Variants in NAA20 observed in about 807,000 individuals in gnomAD.
NAA20 encodes the protein N-alpha-acetyltransferase 20.
Under a neutral mutation model 23.8 loss-of-function variants are expected in NAA20, and 24 were observed. The ratio of observed to expected loss-of-function variants is 1.01; its 90% CI spans 0.73 to 1.42. The LOEUF (loss-of-function observed/expected upper bound fraction) is 1.42, where lower values mean the gene tolerates loss of function less well. NAA20 is among the 40% of genes most tolerant of loss of function. NAA20 has a pLI of 0.00. For missense variants in NAA20, 166 were observed against 223.1 expected (o/e 0.74, Z 1.63); for synonymous variants, 83 against 77.7 (o/e 1.07, Z -0.36).
intron 4 of NAA20, among the ~76,000 whole-genome samples, chr20:20,030,278 T>C (rs544249390): frequency 2.0e-5 from 3 of 152,170 alleles, no homozygotes; most frequent in Non-Finnish European, 1.5e-5. Context: ...GGATGACACA[T>C]CAGGAACAAG....
At chr20:20,021,895 G>T (rs2043270817) in intron 1 of NAA20, among the ~76,000 whole-genome samples, 1 of 152,194 alleles carries the variant, frequency 6.6e-6, no homozygotes, top group Non-Finnish European at 1.5e-5. Flanking sequence ...CAGCATCGGA[G>T]CCAGGTTGGG....
At chr20:20,025,817 T>C (rs750735554) in intron 3 of NAA20, 50 bp downstream of exon 3, 31 of 1,217,540 alleles carry the variant, frequency 2.5e-5, no homozygotes, top group Non-Finnish European at 3.7e-5. Flanking sequence ...GATTTTAATA[T>C]AGATTTCAAC....
chr20:20,026,472 C>G (rs2043307039), intron 3 of NAA20, among the ~76,000 whole-genome samples: 1 of 151,768 alleles, frequency 6.6e-6, no homozygotes, highest in South Asian at 2.1e-4. Context: ...ATACCCACAC[C>G]CATATGAAAT....
upstream of NAA20, chr20:20,017,330 C>A: frequency 6.3e-7 from 1 of 1,599,034 alleles, no homozygotes; most frequent in Non-Finnish European, 8.5e-7. Flanking sequence ...CGGCCACGCT[C>A]CGGGAGACTT....
intron 4 of NAA20, among the ~76,000 whole-genome samples, chr20:20,028,924 T>C (rs879731264): frequency 6.6e-6 from 1 of 152,126 alleles, no homozygotes; most frequent in Non-Finnish European, 1.5e-5. Flanking sequence ...GACTTAGGAC[T>C]TTATTTATTT....
intron 1 of NAA20, among the ~76,000 whole-genome samples, chr20:20,021,498 A>G (rs2043268236): frequency 6.6e-6 from 1 of 152,170 alleles, no homozygotes; most frequent in Non-Finnish European, 1.5e-5. Flanking sequence ...TCGGAAGTAT[A>G]GTGATTTTTT....
Position 20,032,575 on chromosome 20 carries a change from C to T in NAA20, c.373C>T (p.Gln125Ter). The T allele has an allele frequency of 1.2e-6, 2 of 1,613,584 alleles. No homozygotes were observed. The highest frequency in any genetic ancestry group is 2.2e-5 in the South Asian group (2 of 91,030). The change falls in exon 5 of 6, where the codon CAG (glutamine) becomes TAG (stop). Residue 125 changes from glutamine (Q) to a stop codon, truncating the protein, a stop_gained. Transcript: ENST00000334982. LOFTEE classifies it high-confidence loss of function. Reference sequence around the variant, plus strand: ...CCAAGTTGCAGTTAACATGTACAAGCAGTTGGGCTACAGTGTATATAGGAC... The same window carrying T: ...CCAAGTTGCAGTTAACATGTACAAGTAGTTGGGCTACAGTGTATATAGGAC... ...SNQVAVNMYK[Q>*]LGYSVYRTVI...
In NAA20 at chr20:20,032,584, T is replaced by A; in HGVS notation, c.382T>A (p.Tyr128Asn). 6.2e-7 allele frequency: 1 copy of A among 1,613,848 alleles called. No homozygotes were observed. The highest frequency in any genetic ancestry group is 8.5e-7 in the Non-Finnish European group (1 of 1,179,842). The change falls in exon 5 of 6, where the codon TAC (tyrosine) becomes AAC (asparagine). Residue 128 changes from tyrosine to asparagine, a missense_variant. By Grantham distance (143) the Tyr-to-Asn change is moderately radical (BLOSUM62 -2). Transcript: ENST00000334982. ...VAVNMYKQLG[Y>N]SVYRTVIEYY... ...AGTTAACATGTACAAGCAGTTGGGC[T>A]ACAGTGTATATAGGACGGTCATAGA...
At chr20:20,027,135 AG>A (rs1181665198) in intron 4 of NAA20, among the ~76,000 whole-genome samples, 1 of 152,222 alleles carries the variant, frequency 6.6e-6, no homozygotes, top group African/African-American at 2.4e-5. Flanking sequence ...GACCCGCTAT[AG>A]GCCTATAAGC....
chr20:20,021,746 G>A (rs985861838), intron 1 of NAA20, among the ~76,000 whole-genome samples: 11 of 152,266 alleles, frequency 7.2e-5, no homozygotes, highest in Non-Finnish European at 1.0e-4. Flanking sequence ...AATCAGAAGA[G>A]AACAGTTGAA....
At chr20:20,025,644 C>T (rs776689805) in intron 2 of NAA20, 33 bp from the exon 3 acceptor site, 6 of 1,497,278 alleles carry the variant, frequency 4.0e-6, no homozygotes, top group South Asian at 3.4e-5. Flanking sequence ...TTTTACTGTC[C>T]ATTACTTTTC....
chr20:20,021,872 G>T (rs2043270737), intron 1 of NAA20, among the ~76,000 whole-genome samples: 1 of 152,200 alleles, frequency 6.6e-6, no homozygotes, highest in Non-Finnish European at 1.5e-5. Flanking sequence ...GGGATGTGCT[G>T]GTGAGCTGCC....
intron 4 of NAA20, among the ~76,000 whole-genome samples, chr20:20,029,239 G>C (rs1469431854): frequency 6.6e-6 from 1 of 152,082 alleles, no homozygotes; most frequent in Non-Finnish European, 1.5e-5. Flanking sequence ...AAGAAAGTTA[G>C]AATACTTATT....
rs117029352 is a variant in NAA20, at chr20:20,032,148, G to A, written c.306-360G>A. 1.5e-3 allele frequency among the ~76,000 whole-genome samples: 229 copies of A among 151,986 alleles called. 7 individuals are homozygous for A. In the East Asian group the frequency reaches 0.037, roughly 24 times the overall value. On this transcript the variant is annotated intron_variant, in intron 4 of 5. Transcript: ENST00000334982. ...GACTCTTACAATGTTAGTCGACTGA[G>A]AGAAGCAAAAGACAAAAGAATATAT...
upstream of NAA20, chr20:20,017,297 C>A: frequency 6.6e-7 from 1 of 1,504,682 alleles, no homozygotes; most frequent in Non-Finnish European, 9.1e-7. Context: ...GGAAGCAGTA[C>A]CCCGTCTCGC....
intron 1 of NAA20, among the ~76,000 whole-genome samples, chr20:20,019,581 T>TC (rs1010682926): frequency 1.3e-5 from 2 of 152,174 alleles, no homozygotes; most frequent in Non-Finnish European, 2.9e-5. Flanking sequence ...CTCCACTTAT[T>TC]CCCCATTTTC....
At position 20,022,563 on chromosome 20, in the gene NAA20, G is replaced by A. The variant is rs915479305; in HGVS notation, c.78+83G>A. On this transcript the variant is annotated intron_variant, in intron 2 of 5. Coordinates refer to ENST00000334982, the MANE Select transcript of NAA20 (RefSeq NM_016100.5). ...ACAGAAATGAAAGGAAAACAGAGGA[G>A]TACTGAAAAGTTTAAAAACTTGTAG... The A allele has an allele frequency of 8.8e-6, 11 of 1,247,306 alleles. 1 individual carries two copies. In the African/African-American group the frequency reaches 1.5e-4, roughly 18 times the overall value. The allele number at this position is 1,247,306 out of a possible 1,614,324, so 77.3% of individuals were successfully genotyped here.
chr20:20,032,011 G>C (rs1374150097), intron 4 of NAA20, among the ~76,000 whole-genome samples: 1 of 152,026 alleles, frequency 6.6e-6, no homozygotes, highest in Non-Finnish European at 1.5e-5. Flanking sequence ...TAGACCTTAC[G>C]TGAGACACTC....
At chr20:20,030,421 C>T (rs6035525) in intron 4 of NAA20, among the ~76,000 whole-genome samples, 2 of 152,084 alleles carry the variant, frequency 1.3e-5, no homozygotes, top group African/African-American at 4.8e-5. Context: ...CTTCCTTAAC[C>T]TGAAAAATAT....
Sources: allele counts gnomAD v4.1 joint callset (sites outside exome capture counted in the v4.1 genomes callset), GRCh38; gene constraint gnomAD v4.1.1; transcripts MANE v1.5; gene names NCBI Gene and HGNC (gene_info 2026-07-23, HGNC 2026-07-21).